The following PTPRK variants were observed in gnomAD, a reference collection of about 807,000 sequenced individuals.
The protein encoded by PTPRK is protein tyrosine phosphatase receptor type K.
In PTPRK, 75 loss-of-function variants were observed where a neutral mutation model predicts 178.0. The ratio of observed to expected loss-of-function variants is 0.42; its 90% CI spans 0.35 to 0.51. PTPRK has a LOEUF of 0.51. Ranked by LOEUF, PTPRK falls within the 20% of genes least tolerant of loss-of-function variation. The pLI, the probability that PTPRK is intolerant of heterozygous loss-of-function variation, is 0.02. For synonymous variants in PTPRK, 637 were observed against 620.6 expected, an observed-to-expected ratio of 1.03 and a Z score of -0.39; for missense variants, 1,441 against 1,797.8, an observed-to-expected ratio of 0.80 and a Z score of 3.59.
chr6:128,283,756 A>G (rs1047334114), intron 3 of PTPRK, among the ~76,000 whole-genome samples: 4 of 152,198 alleles, frequency 2.6e-5, no homozygotes, highest in Admixed American at 1.3e-4. Context: ...AGGAGCCACA[A>G]AGCAGCAATT....
At chr6:127,992,833 G>A (rs1355297491) in intron 18 of PTPRK, 124 bp from the exon 19 acceptor site, 16 of 691,706 alleles carry the variant, frequency 2.3e-5, no homozygotes, top group Non-Finnish European at 3.3e-5. Flanking sequence ...CCAGAAATGA[G>A]TAGTGAACAC....
intron 2 of PTPRK, among the ~76,000 whole-genome samples, chr6:128,375,266 C>A (rs2128351638): frequency 6.6e-6 from 1 of 151,680 alleles, no homozygotes; most frequent in Non-Finnish European, 1.5e-5. Flanking sequence ...GTAAATTATG[C>A]AGGAAAAGGG....
intron 14 of PTPRK, among the ~76,000 whole-genome samples, chr6:128,005,664 T>C: frequency 2.0e-3 from 1 of 504 alleles, no homozygotes; most frequent in Admixed American, 0.018. Flanking sequence ...ATGACTAACT[T>C]TTCAAGTCTG....
At chr6:128,228,116 AT>A (rs1811670538) in intron 5 of PTPRK, among the ~76,000 whole-genome samples, 2 of 151,548 alleles carry the variant, frequency 1.3e-5, no homozygotes, top group African/African-American at 2.4e-5. Context: ...TTAAAGTCTA[AT>A]TAAAAAAAAA....
intron 3 of PTPRK, among the ~76,000 whole-genome samples, chr6:128,268,610 TA>T (rs985988970): frequency 1.8e-4 from 28 of 152,026 alleles, no homozygotes; most frequent in African/African-American, 6.8e-4. Context: ...CATTATTCTG[TA>T]ATAATCATTG....
intron 6 of PTPRK, among the ~76,000 whole-genome samples, chr6:128,212,499 C>T (rs530790582): frequency 2.6e-5 from 4 of 152,000 alleles, no homozygotes; most frequent in African/African-American, 7.2e-5. Flanking sequence ...CCTTGGTAGA[C>T]GGAAATGGGT....
chr6:128,076,773 G>A (rs933427053), intron 11 of PTPRK, among the ~76,000 whole-genome samples: 2 of 151,916 alleles, frequency 1.3e-5, no homozygotes, highest in Admixed American at 6.6e-5. Flanking sequence ...ATTTAAAAAC[G>A]TGTATCAATA....
At chr6:128,357,897 A>C (rs1834165886) in intron 2 of PTPRK, among the ~76,000 whole-genome samples, 1 of 152,178 alleles carries the variant, frequency 6.6e-6, no homozygotes, top group Non-Finnish European at 1.5e-5. Context: ...TTTTAACAGT[A>C]AGTGGTAGTG....
intron 1 of PTPRK, among the ~76,000 whole-genome samples, chr6:128,416,510 G>A (rs1395657101): frequency 6.6e-6 from 1 of 151,850 alleles, no homozygotes; most frequent in East Asian, 1.9e-4. Context: ...AGCCGGGTGT[G>A]GTGGCTGGCG....
chr6:128,441,334 T>G (rs574670292), intron 1 of PTPRK, among the ~76,000 whole-genome samples: 1 of 152,008 alleles, frequency 6.6e-6, no homozygotes, highest in Non-Finnish European at 1.5e-5. Context: ...TGAAAAAACA[T>G]GAAGTGAAAT....
At chr6:128,375,149 T>C (rs895818476) in intron 2 of PTPRK, among the ~76,000 whole-genome samples, 1 of 150,376 alleles carries the variant, frequency 6.6e-6, no homozygotes, top group South Asian at 2.1e-4. Flanking sequence ...GCAAAGAATT[T>C]TGTCTATTTT....
chr6:128,355,741 A>G (rs1240173920), intron 2 of PTPRK, among the ~76,000 whole-genome samples: 3 of 152,204 alleles, frequency 2.0e-5, no homozygotes, highest in Admixed American at 6.5e-5. Flanking sequence ...GCACATGTAT[A>G]CATATGTAAC....
chr6:128,114,981 TA>T (rs111742166), intron 7 of PTPRK, among the ~76,000 whole-genome samples: 25 of 150,152 alleles, frequency 1.7e-4, no homozygotes, highest in East Asian at 3.9e-4. Flanking sequence ...ATTCTGCGAT[TA>T]AAAAAAAAAT....
At chr6:127,985,602 T>C (rs1379485600) in intron 22 of PTPRK, 119 bp downstream of exon 22, 1 of 1,172,294 alleles carries the variant, frequency 8.5e-7, no homozygotes, top group African/African-American at 1.5e-5. Flanking sequence ...ACTTTATCTA[T>C]AATACAAGCA....
At chr6:128,148,961 G>A (rs898402766) in intron 7 of PTPRK, among the ~76,000 whole-genome samples, 28 of 151,936 alleles carry the variant, frequency 1.8e-4, no homozygotes, top group African/African-American at 6.5e-4. Context: ...TTGGGAAAAT[G>A]ACAGAATTTA....
intron 1 of PTPRK, among the ~76,000 whole-genome samples, chr6:128,403,884 AGTTTT>A (rs1841341838): frequency 6.6e-6 from 1 of 152,168 alleles, no homozygotes; most frequent in South Asian, 2.1e-4. Flanking sequence ...AAATGTTTCC[AGTTTT>A]GTGGGCCATG....
intron 13 of PTPRK, among the ~76,000 whole-genome samples, chr6:128,035,775 T>G (rs1776105431): frequency 6.6e-6 from 1 of 152,018 alleles, no homozygotes. Flanking sequence ...GTAGGGACAC[T>G]TGGGTCTCCC....
chr6:127,975,143 A>G (rs576220748), intron 27 of PTPRK, among the ~76,000 whole-genome samples: 5 of 152,236 alleles, frequency 3.3e-5, no homozygotes, highest in Non-Finnish European at 5.9e-5. Context: ...AGGCAGTTCA[A>G]TAAGTAAGCA....
intron 1 of PTPRK, among the ~76,000 whole-genome samples, chr6:128,428,754 T>C (rs1844478042): frequency 6.6e-6 from 1 of 152,220 alleles, no homozygotes; most frequent in South Asian, 2.1e-4. Context: ...TTGCAATTTT[T>C]CTACTTAACA....
Sources: gnomAD v4.1 joint callset for allele counts (sites outside exome capture counted in the v4.1 genomes callset) on GRCh38, gnomAD v4.1.1 for gene constraint, MANE v1.5 for transcripts, NCBI Gene and HGNC (gene_info 2026-07-23, HGNC 2026-07-21) for gene names.